The following VAV2 variants were observed in gnomAD, a reference collection of about 807,000 sequenced individuals.
VAV2 encodes guanine nucleotide exchange factor VAV2.
Under a neutral mutation model 132.5 loss-of-function variants are expected in VAV2, and 67 were observed. The observed-to-expected ratio is 0.51, with a 90% CI of 0.42 to 0.62. The LOEUF (loss-of-function observed/expected upper bound fraction) is 0.62, where lower values mean the gene tolerates loss of function less well. Among genes scored for constraint, VAV2 ranks in the 20% least tolerant of loss-of-function variants. VAV2 has a pLI of 0.00. For synonymous variants in VAV2, 492 were observed against 443.5 expected, an observed-to-expected ratio of 1.11 and a Z score of -1.37; for missense variants, 938 against 1,153.6, an observed-to-expected ratio of 0.81 and a Z score of 2.71.
intron 2 of VAV2, among the ~76,000 whole-genome samples, chr9:133,897,625 C>T (rs148703363): frequency 4.6e-5 from 7 of 152,038 alleles, no homozygotes; most frequent in Admixed American, 6.5e-5. Context: ...CACAGGCCCC[C>T]CTCTGGGTGG....
chr9:133,771,062 CTTTTTTTT>C (rs148597917), intron 26 of VAV2, among the ~76,000 whole-genome samples: 1 of 117,704 alleles, frequency 8.5e-6, no homozygotes, highest in East Asian at 2.5e-4. Flanking sequence ...TATGGATTTT[CTTTTTTTT>C]TTTTTTTTTT....
intron 4 of VAV2, among the ~76,000 whole-genome samples, chr9:133,814,841 G>T (rs1435803503): frequency 6.6e-6 from 1 of 152,172 alleles, no homozygotes; most frequent in Non-Finnish European, 1.5e-5. Flanking sequence ...GCTTGTCACA[G>T]TGCAGATGGG....
chr9:133,843,938 C>CA (rs34233729), intron 3 of VAV2, among the ~76,000 whole-genome samples: 26,862 of 152,076 alleles, frequency 0.18, 2,702 homozygotes, highest in African/African-American at 0.28. Context: ...TGACATCTGC[C>CA]ATGGCAGGTC....
At chr9:133,922,226 G>A (rs1476628758) in intron 2 of VAV2, among the ~76,000 whole-genome samples, 1 of 152,222 alleles carries the variant, frequency 6.6e-6, no homozygotes, top group Admixed American at 6.5e-5. Flanking sequence ...CTGCCCTGCA[G>A]AAGTCCTCCC....
chr9:133,928,729 G>T lies in VAV2; in HGVS notation c.321+10374C>A, dbSNP rs1840570567. 6.6e-6 allele frequency among the ~76,000 whole-genome samples: 1 copy of T among 152,230 alleles called. No individual in the cohort carries two copies. Among genetic ancestry groups the T allele is most frequent in the Admixed American group, 6.5e-5 (1 of 15,288 alleles). On this transcript the variant is annotated intron_variant, in intron 2 of 29. Transcript: ENST00000371850. The surrounding 1 kb of genome is among the most constrained non-coding windows in gnomAD (Gnocchi z 5.4). Reference sequence around the variant, plus strand: ...CTGTGTTCTCCCCTGGCCAGACAGAGCCTGCGGGACACATTCATCAACGCA... The same window carrying T: ...CTGTGTTCTCCCCTGGCCAGACAGATCCTGCGGGACACATTCATCAACGCA...
At position 133,991,975 on chromosome 9, in the gene VAV2, G is replaced by A; in HGVS notation, c.204+100C>T. On this transcript the variant is annotated intron_variant, in intron 1 of 29. Transcript: ENST00000371850. This position sits in a 1 kb window ranked among gnomAD's most constrained non-coding sequence, Gnocchi z 4.8. ...CCCGGAGCCCGGCCGCCCCAGCCAG[G>A]GCGCCTGGGCCGCCGCCGCTGCGAC... 9.5e-7 allele frequency: 1 copy of A among 1,057,118 alleles called. No homozygotes were observed. Among genetic ancestry groups the A allele is most frequent in the Admixed American group, 5.0e-5 (1 of 19,984 alleles). The allele number at this position is 1,057,118 out of a possible 1,614,324, so 65.5% of individuals were successfully genotyped here. A position where few individuals can be genotyped will look rare whatever the true frequency, so the allele number is the denominator to read the frequency against.
At chr9:133,821,948 C>T (rs908387563) in intron 4 of VAV2, among the ~76,000 whole-genome samples, 1 of 152,222 alleles carries the variant, frequency 6.6e-6, no homozygotes, top group Non-Finnish European at 1.5e-5. Flanking sequence ...CTGACAGATG[C>T]TAAATCCCGA....
Position 133,991,380 on chromosome 9 carries a change from G to C in VAV2, c.204+695C>G, listed in dbSNP as rs1043114991. ...CACGCGTGCCTCCGCCGCGACAAAG[G>C]CCACACTCAGCGCCCGAAGGAGGGG... On this transcript the variant is annotated intron_variant, in intron 1 of 29. Coordinates refer to ENST00000371850, the MANE Select transcript of VAV2 (RefSeq NM_001134398.2). This position sits in a 1 kb window ranked among gnomAD's most constrained non-coding sequence, Gnocchi z 4.8. 6.6e-6 allele frequency among the ~76,000 whole-genome samples: 1 copy of C among 152,194 alleles called. No homozygotes were observed. Among genetic ancestry groups the C allele is most frequent in the South Asian group, 2.1e-4 (1 of 4,830 alleles).
At chr9:133,816,463 G>A (rs1835563242) in intron 4 of VAV2, among the ~76,000 whole-genome samples, 1 of 152,212 alleles carries the variant, frequency 6.6e-6, no homozygotes, top group African/African-American at 2.4e-5. Flanking sequence ...TAGCCACTCT[G>A]TTTAGGTCTC....
intron 13 of VAV2, among the ~76,000 whole-genome samples, chr9:133,791,046 C>T (rs1032992217): frequency 1.3e-5 from 2 of 152,162 alleles, no homozygotes; most frequent in African/African-American, 4.8e-5. Flanking sequence ...CATCCTGTAA[C>T]GCACAGGGGC....
intron 8 of VAV2, among the ~76,000 whole-genome samples, 166 bp from the exon 9 acceptor site, chr9:133,806,347 G>A (rs56035119): frequency 0.054 from 8,205 of 152,286 alleles, 405 homozygotes; most frequent in African/African-American, 0.13. Flanking sequence ...TGTGATTCAG[G>A]TAGAAGGTTC....
At chr9:133,888,920 A>G (rs1838817617) in intron 2 of VAV2, among the ~76,000 whole-genome samples, 1 of 152,222 alleles carries the variant, frequency 6.6e-6, no homozygotes, top group East Asian at 1.9e-4. Context: ...GCCCTGGCGG[A>G]CAGCCCGTCA....
intron 2 of VAV2, among the ~76,000 whole-genome samples, chr9:133,898,745 C>T (rs1839316698): frequency 6.6e-6 from 1 of 151,604 alleles, no homozygotes; most frequent in Non-Finnish European, 1.5e-5. Flanking sequence ...GGTGCTGTGG[C>T]TCTCCTGGCA....
intron 2 of VAV2, among the ~76,000 whole-genome samples, chr9:133,903,799 A>T (rs1437555483): frequency 6.6e-6 from 1 of 152,146 alleles, no homozygotes; most frequent in Non-Finnish European, 1.5e-5. Flanking sequence ...AGAAAAATCC[A>T]CTTCGTCAGG....
intron 4 of VAV2, among the ~76,000 whole-genome samples, chr9:133,822,484 T>TAGAC (rs879921652): frequency 2.0e-5 from 3 of 152,112 alleles, no homozygotes; most frequent in Non-Finnish European, 2.9e-5. Context: ...GACGGAGAGA[T>TAGAC]AGACAGACAG....
At chr9:133,851,909 GTGGATGGATGGATGGA>G (rs58259577) in intron 3 of VAV2, among the ~76,000 whole-genome samples, 67 of 140,852 alleles carry the variant, frequency 4.8e-4, no homozygotes, top group Admixed American at 1.8e-3. Context: ...GGATGGATGG[GTGGATGGATGGATGGA>G]TGGATGGATG....
intron 2 of VAV2, among the ~76,000 whole-genome samples, chr9:133,900,593 G>A (rs984999776): frequency 9.5e-4 from 144 of 151,174 alleles, no homozygotes; most frequent in Non-Finnish European, 1.7e-3. Context: ...GAAGGGGCGC[G>A]GCTCAGAGAG....
At chr9:133,899,070 C>G (rs1352999812) in intron 2 of VAV2, among the ~76,000 whole-genome samples, 2 of 152,046 alleles carry the variant, frequency 1.3e-5, no homozygotes, top group African/African-American at 4.8e-5. Context: ...ATCCGCCCGC[C>G]TCGGCCTCCC....
intron 2 of VAV2, among the ~76,000 whole-genome samples, chr9:133,924,039 T>C (rs1840386206): frequency 1.3e-5 from 2 of 152,176 alleles, no homozygotes; most frequent in Non-Finnish European, 2.9e-5. Context: ...ATATCTCATG[T>C]AAATGATGAG....
Sources: allele counts gnomAD v4.1 joint callset (sites outside exome capture counted in the v4.1 genomes callset), GRCh38; gene constraint gnomAD v4.1.1; non-coding constraint Gnocchi (gnomAD v3.1); transcripts MANE v1.5; gene names NCBI Gene and HGNC (gene_info 2026-07-23, HGNC 2026-07-21).